The following LAMA2 variants were observed in gnomAD, a reference collection of about 807,000 sequenced individuals.
LAMA2 encodes the protein laminin subunit alpha-2.
LAMA2 carries 269 observed loss-of-function variants against 364.8 expected under a neutral mutation model. The ratio of observed to expected loss-of-function variants is 0.74; its 90% CI spans 0.67 to 0.82. The LOEUF is 0.82. Among genes scored for constraint, LAMA2 ranks in the 40% least tolerant of loss-of-function variants. The pLI is 0.00. For synonymous variants in LAMA2, 1,379 were observed against 1,370.6 expected (o/e 1.01, Z -0.14); for missense variants, 3,807 against 3,873.2 (o/e 0.98, Z 0.45).
intron 3 of LAMA2, among the ~76,000 whole-genome samples, chr6:129,080,041 T>C (rs1159493905): frequency 2.0e-5 from 3 of 152,184 alleles, no homozygotes; most frequent in Admixed American, 2.0e-4. Context: ...TGAATACTTG[T>C]GTCTGGAATT....
At chr6:129,464,686 A>G (rs577044460) in intron 50 of LAMA2, among the ~76,000 whole-genome samples, 30 of 152,112 alleles carry the variant, frequency 2.0e-4, no homozygotes, top group African/African-American at 7.2e-4. Context: ...AACTCCCCAC[A>G]TAATCCTTTA....
intron 37 of LAMA2, among the ~76,000 whole-genome samples, chr6:129,393,860 A>G (rs1297874236): frequency 6.6e-6 from 1 of 152,160 alleles, no homozygotes; most frequent in Non-Finnish European, 1.5e-5. Context: ...CTCTTTTTCT[A>G]TGCGCTGTGT....
chr6:129,086,520 A>G (rs1452528778), intron 3 of LAMA2, among the ~76,000 whole-genome samples: 1 of 152,252 alleles, frequency 6.6e-6, no homozygotes, highest in Non-Finnish European at 1.5e-5. Context: ...ATGAGACATG[A>G]GAATAACCTT....
chr6:129,062,148 T>C (rs1298916824), intron 3 of LAMA2, among the ~76,000 whole-genome samples: 1 of 152,216 alleles, frequency 6.6e-6, no homozygotes, highest in Non-Finnish European at 1.5e-5. Context: ...ATAATACTTA[T>C]TCAGCTATGG....
intron 14 of LAMA2, 147 bp from the exon 15 acceptor site, chr6:129,260,564 A>G: frequency 2.9e-6 from 2 of 697,492 alleles, no homozygotes; most frequent in East Asian, 2.6e-5. Flanking sequence ...ACAAAGGACC[A>G]GAGCTTTTGG....
chr6:129,133,377 A>G (rs1316356263), intron 4 of LAMA2, among the ~76,000 whole-genome samples: 1 of 152,180 alleles, frequency 6.6e-6, no homozygotes, highest in Non-Finnish European at 1.5e-5. Context: ...GGGCAAAAGT[A>G]AAGAAGAATG....
At chr6:128,927,571 C>G (rs1779175351) in intron 1 of LAMA2, among the ~76,000 whole-genome samples, 1 of 152,148 alleles carries the variant, frequency 6.6e-6, no homozygotes, top group African/African-American at 2.4e-5. Context: ...TAAACATTCT[C>G]CCTCTGAAGT....
chr6:129,213,003 T>G (rs1348556674), intron 12 of LAMA2, among the ~76,000 whole-genome samples: 1 of 152,230 alleles, frequency 6.6e-6, no homozygotes, highest in Non-Finnish European at 1.5e-5. Context: ...TATTTTCTGA[T>G]AGACATATTA....
At chr6:129,244,956 A>T (rs1193883915) in intron 12 of LAMA2, among the ~76,000 whole-genome samples, 1 of 152,144 alleles carries the variant, frequency 6.6e-6, no homozygotes, top group African/African-American at 2.4e-5. Flanking sequence ...TTTCCCCCTG[A>T]AGGTAGAATT....
rs115007959 is a variant in LAMA2, at chr6:129,154,694, C to G, written c.1206+11C>G. 1.9e-6 allele frequency: 3 copies of G among 1,608,238 alleles called. No individual in the cohort carries two copies. Among genetic ancestry groups the G allele is most frequent in the East Asian group, 2.2e-5 (1 of 44,846 alleles). ...TTCAGACCCAAAGGGGTAAAGTATG[C>G]TTTTTCTTTCATAAAGAGTTATTTT... On this transcript the variant is annotated intron_variant, in intron 8 of 64. Coordinates refer to ENST00000421865, the MANE Select transcript of LAMA2 (RefSeq NM_000426.4).
intron 22 of LAMA2, among the ~76,000 whole-genome samples, chr6:129,311,044 C>A (rs1274756926): frequency 6.6e-6 from 1 of 152,046 alleles, no homozygotes; most frequent in Non-Finnish European, 1.5e-5. Flanking sequence ...GACAATGTGC[C>A]CTCCCAACTA....
intron 35 of LAMA2, among the ~76,000 whole-genome samples, chr6:129,388,458 C>A (rs1338453207): frequency 6.6e-6 from 1 of 152,072 alleles, no homozygotes; most frequent in Non-Finnish European, 1.5e-5. Context: ...TGTATGCCAT[C>A]CAAAAGATAC....
intron 8 of LAMA2, among the ~76,000 whole-genome samples, chr6:129,162,248 T>G (rs1470108573): frequency 6.6e-6 from 1 of 152,210 alleles, no homozygotes; most frequent in Non-Finnish European, 1.5e-5. Context: ...TAGTCCTATC[T>G]TTTGGACTAT....
intron 12 of LAMA2, among the ~76,000 whole-genome samples, chr6:129,229,016 A>G (rs999911306): frequency 1.3e-5 from 2 of 152,180 alleles, no homozygotes; most frequent in African/African-American, 4.8e-5. Flanking sequence ...GTATGTATTC[A>G]TTGATCCTGC....
chr6:129,393,573 G>A (rs1202548605), intron 37 of LAMA2, among the ~76,000 whole-genome samples: 1 of 152,200 alleles, frequency 6.6e-6, no homozygotes, highest in Admixed American at 6.5e-5. Context: ...AATGACAACT[G>A]TGCCACTATC....
chr6:129,103,554 A>G (rs1452889468), intron 4 of LAMA2, among the ~76,000 whole-genome samples: 4 of 152,136 alleles, frequency 2.6e-5, no homozygotes, highest in African/African-American at 7.2e-5. Flanking sequence ...CTGATCTGTG[A>G]CAGTTTTAAG....
At chr6:129,434,616 C>T (rs1215546481) in intron 41 of LAMA2, among the ~76,000 whole-genome samples, 2 of 152,124 alleles carry the variant, frequency 1.3e-5, no homozygotes, top group Admixed American at 6.5e-5. Context: ...TTTTAACTAT[C>T]GATAATTCTA....
At chr6:128,926,014 G>A (rs1353899993) in intron 1 of LAMA2, among the ~76,000 whole-genome samples, 1 of 152,060 alleles carries the variant, frequency 6.6e-6, no homozygotes, top group Non-Finnish European at 1.5e-5. Flanking sequence ...CTTTACCAAT[G>A]AGCCATTCTA....
intron 1 of LAMA2, among the ~76,000 whole-genome samples, chr6:128,883,835 CATAT>C (rs71543147): frequency 1.8e-4 from 21 of 117,700 alleles, no homozygotes; most frequent in African/African-American, 6.3e-4. Context: ...CACACACACA[CATAT>C]ATATATATAT....
Sources: gnomAD v4.1 joint callset for allele counts (sites outside exome capture counted in the v4.1 genomes callset) on GRCh38, gnomAD v4.1.1 for gene constraint, MANE v1.5 for transcripts, NCBI Gene and HGNC (gene_info 2026-07-23, HGNC 2026-07-21) for gene names.